Variants in TENM4 observed in about 807,000 individuals in gnomAD.
The protein encoded by TENM4 is teneurin-4.
Under a neutral mutation model 243.3 loss-of-function variants are expected in TENM4, and 82 were observed. The observed-to-expected ratio is 0.34, with a 90% CI of 0.28 to 0.40. The LOEUF is 0.40. Ranked by LOEUF, TENM4 falls within the 10% of genes least tolerant of loss-of-function variation. TENM4 has a pLI of 1.00. For missense variants in TENM4, 3,138 were observed against 3,673.3 expected (o/e 0.85, Z 3.77); for synonymous variants, 1,412 against 1,456.3 (o/e 0.97, Z 0.69).
chr11:79,259,413 T>C (rs1263458703), intron 2 of TENM4, among the ~76,000 whole-genome samples: 1 of 152,130 alleles, frequency 6.6e-6, no homozygotes, highest in African/African-American at 2.4e-5. Flanking sequence ...ATGTAAAAAT[T>C]CCTTCCTTCC....
chr11:79,332,752 G>T (rs1857082047), intron 1 of TENM4, among the ~76,000 whole-genome samples: 1 of 152,094 alleles, frequency 6.6e-6, no homozygotes, highest in African/African-American at 2.4e-5. Context: ...GAATATTAAG[G>T]ACCTTGAATA....
chr11:78,888,195 C>T (rs667200), intron 9 of TENM4, among the ~76,000 whole-genome samples: 139,482 of 152,284 alleles, frequency 0.92, 64,587 homozygotes, highest in Non-Finnish European at 0.99. Context: ...CTTGACATGT[C>T]ATCAATATTC....
chr11:78,878,001 G>C (rs1401429362), intron 9 of TENM4, among the ~76,000 whole-genome samples: 1 of 152,204 alleles, frequency 6.6e-6, no homozygotes, highest in Non-Finnish European at 1.5e-5. Context: ...GGCAAAGCCA[G>C]CCTGTGCCCC....
rs530855030 is a variant in TENM4 at position 78,711,568 on chromosome 11, T to C, written c.4054+914A>G. Among the ~76,000 whole-genome samples the C allele has an allele frequency of 6.6e-5, 10 of 152,312 alleles. No individual in the cohort carries two copies. The East Asian group carries it at 1.9e-3, about 29-fold the overall frequency. On this transcript the variant is annotated intron_variant, in intron 26 of 33. Coordinates refer to ENST00000278550, the MANE Select transcript of TENM4 (RefSeq NM_001098816.3). The stretch of plus-strand genomic sequence containing the variant: ...CTTAGAATGTTTCTACAGGTTATTA[T>C]TAAACATATTAATTTTGACCATCAG...
intron 15 of TENM4, among the ~76,000 whole-genome samples, chr11:78,793,753 A>G (rs1174478143): frequency 6.6e-5 from 10 of 152,242 alleles, no homozygotes; most frequent in Non-Finnish European, 1.5e-4. Flanking sequence ...TTTCACTCCC[A>G]TATCATAGTT....
chr11:78,822,345 AT>A (rs1857751704), intron 12 of TENM4, among the ~76,000 whole-genome samples: 1 of 152,226 alleles, frequency 6.6e-6, no homozygotes, highest in Non-Finnish European at 1.5e-5. Context: ...TATAAAATTT[AT>A]TCAGTAAATA....
chr11:79,414,097 T>A (rs1858761191), intron 1 of TENM4, among the ~76,000 whole-genome samples: 1 of 151,818 alleles, frequency 6.6e-6, no homozygotes, highest in African/African-American at 2.4e-5. Flanking sequence ...GGGAGACAGA[T>A]CCCTTGGTCC....
chr11:78,769,497 TGAGGTC>T (rs1344562064), intron 18 of TENM4, among the ~76,000 whole-genome samples: 5 of 152,250 alleles, frequency 3.3e-5, no homozygotes, highest in Non-Finnish European at 7.3e-5. Flanking sequence ...CTCCCTCATT[TGAGGTC>T]CTGGCATATA....
At chr11:79,168,479 G>A (rs150724542) in intron 3 of TENM4, among the ~76,000 whole-genome samples, 17 of 152,280 alleles carry the variant, frequency 1.1e-4, no homozygotes, top group East Asian at 9.7e-4. Flanking sequence ...GCCGGGCAAA[G>A]AGTGGAACTG....
At chr11:79,032,670 A>G (rs114659488) in intron 6 of TENM4, among the ~76,000 whole-genome samples, 1 of 152,162 alleles carries the variant, frequency 6.6e-6, no homozygotes, top group Non-Finnish European at 1.5e-5. Context: ...TGGCTCATTC[A>G]CCTTCAACAG....
chr11:79,022,269 G>C (rs1338000852), intron 6 of TENM4, among the ~76,000 whole-genome samples: 1 of 152,148 alleles, frequency 6.6e-6, no homozygotes, highest in Non-Finnish European at 1.5e-5. Context: ...ATGAAACTGA[G>C]GTTCAGAGAG....
At chr11:79,212,370 C>T (rs1023969373) in intron 3 of TENM4, among the ~76,000 whole-genome samples, 1 of 152,204 alleles carries the variant, frequency 6.6e-6, no homozygotes. Flanking sequence ...ATTTGCAACC[C>T]CTTTCCAGGA....
intron 6 of TENM4, among the ~76,000 whole-genome samples, chr11:78,907,909 T>A (rs955922251): frequency 6.6e-6 from 1 of 152,246 alleles, no homozygotes; most frequent in African/African-American, 2.4e-5. Context: ...ATGTGAGTCA[T>A]TTTACTGCTA....
intron 6 of TENM4, among the ~76,000 whole-genome samples, chr11:78,906,329 G>C (rs78437855): frequency 0.036 from 5,470 of 152,254 alleles, 316 homozygotes; most frequent in African/African-American, 0.12. Flanking sequence ...AAACCATGGT[G>C]CCTTTGCATA....
At chr11:78,878,778 C>G (rs1859336063) in intron 9 of TENM4, among the ~76,000 whole-genome samples, 2 of 152,166 alleles carry the variant, frequency 1.3e-5, no homozygotes. Context: ...ACCCAGGAAT[C>G]CTGCTCTGGG....
chr11:79,122,980 C>T (rs1861773680), intron 4 of TENM4, among the ~76,000 whole-genome samples: 1 of 152,212 alleles, frequency 6.6e-6, no homozygotes. Flanking sequence ...CTGAGCCTTA[C>T]CTCAAACAGC....
At chr11:78,712,325 G>A (rs1197577209) in intron 26 of TENM4, among the ~76,000 whole-genome samples, 157 bp downstream of exon 26, 1 of 152,182 alleles carries the variant, frequency 6.6e-6, no homozygotes, top group African/African-American at 2.4e-5. Flanking sequence ...TTAACTGGGA[G>A]TATTTCTGGC....
At chr11:79,069,223 G>A (rs1860344124) in intron 5 of TENM4, among the ~76,000 whole-genome samples, 1 of 152,134 alleles carries the variant, frequency 6.6e-6, no homozygotes, top group Admixed American at 6.5e-5. Flanking sequence ...TTCCTCTCAA[G>A]GTCACACAGG....
chr11:79,144,175 C>T (rs188992100), intron 4 of TENM4, among the ~76,000 whole-genome samples: 11 of 152,032 alleles, frequency 7.2e-5, no homozygotes, highest in South Asian at 2.1e-4. Flanking sequence ...AGAAGACATA[C>T]GGATGGCAAA....
Sources: allele counts gnomAD v4.1 joint callset (sites outside exome capture counted in the v4.1 genomes callset), GRCh38; gene constraint gnomAD v4.1.1; transcripts MANE v1.5; gene names NCBI Gene and HGNC (gene_info 2026-07-23, HGNC 2026-07-21).